SEPSECS: variants seen among roughly 807,000 people sequenced by gnomAD.
SEPSECS encodes Sep (O-phosphoserine) tRNA:Sec (selenocysteine) tRNA synthase, also known as O-phosphoseryl-tRNA(Sec) selenium transferase.
A neutral mutation model predicts 52.1 loss-of-function variants in SEPSECS; 42 were observed. The ratio of observed to expected loss-of-function variants is 0.81; its 90% CI spans 0.63 to 1.04. SEPSECS has a LOEUF of 1.04. SEPSECS is among the 50% of genes least tolerant of loss of function. The pLI is 0.00. For missense variants in SEPSECS, 590 were observed against 610.6 expected (o/e 0.97, Z 0.36); for synonymous variants, 216 against 211.4 (o/e 1.02, Z -0.19).
intron 8 of SEPSECS, among the ~76,000 whole-genome samples, chr4:25,142,720 C>T (rs1421956074): frequency 1.3e-5 from 2 of 152,140 alleles, no homozygotes; most frequent in Non-Finnish European, 2.9e-5. Context: ...TAACATGAAA[C>T]TGAAGAGACC....
chr4:25,155,371 A>G (rs1467860353), intron 4 of SEPSECS: 2 of 584,742 alleles, frequency 3.4e-6, no homozygotes, highest in East Asian at 2.9e-5. Context: ...CCATAAGTCT[A>G]TTTAACACTT....
intron 8 of SEPSECS, among the ~76,000 whole-genome samples, chr4:25,140,991 C>T (rs1209440567): frequency 6.6e-6 from 1 of 151,694 alleles, no homozygotes; most frequent in Non-Finnish European, 1.5e-5. Flanking sequence ...CTAAACAATA[C>T]AGTATAACAA....
At chr4:25,138,722 C>T (rs189522371) in intron 8 of SEPSECS, among the ~76,000 whole-genome samples, 2 of 152,078 alleles carry the variant, frequency 1.3e-5, no homozygotes, top group African/African-American at 4.8e-5. Context: ...TTGTATGTTT[C>T]CTCTCCAAGT....
chr4:25,127,207 G>C, intron 9 of SEPSECS, 57 bp downstream of exon 9: 1 of 1,046,998 alleles, frequency 9.6e-7, no homozygotes, highest in South Asian at 1.3e-5. Context: ...AGAAGTATCA[G>C]CTTCCTCCTA....
intron 8 of SEPSECS, among the ~76,000 whole-genome samples, chr4:25,131,580 G>A (rs1405350690): frequency 6.6e-6 from 1 of 152,218 alleles, no homozygotes; most frequent in Non-Finnish European, 1.5e-5. Flanking sequence ...CTGCATTCAA[G>A]TTGTTAAGGC....
At chr4:25,157,082 T>C in intron 2 of SEPSECS, 108 bp from the exon 3 acceptor site, 1 of 753,560 alleles carries the variant, frequency 1.3e-6, no homozygotes, top group South Asian at 1.4e-5. Flanking sequence ...GAGCAATATT[T>C]GGCTGTTACA....
At chr4:25,145,951 T>C (rs1711937656) in intron 6 of SEPSECS, among the ~76,000 whole-genome samples, 1 of 152,224 alleles carries the variant, frequency 6.6e-6, no homozygotes, top group South Asian at 2.1e-4. Flanking sequence ...TCCCTAATAT[T>C]ATAAACTTAG....
intron 6 of SEPSECS, among the ~76,000 whole-genome samples, chr4:25,150,202 T>C (rs904739044): frequency 6.6e-6 from 1 of 152,250 alleles, no homozygotes; most frequent in Non-Finnish European, 1.5e-5. Flanking sequence ...ATTTACCATA[T>C]TGGAGCAAGA....
Position 25,132,160 on chromosome 4 carries a change from T to C in SEPSECS, c.1027-4803A>G, listed in dbSNP as rs187086915. Among the ~76,000 whole-genome samples the C allele has an allele frequency of 9.6e-4, 146 of 152,336 alleles. 2 individuals are homozygous for C. Among genetic ancestry groups the C allele is most frequent in the East Asian group, 4.4e-3 (23 of 5,192 alleles). On this transcript the variant is annotated intron_variant, in intron 8 of 10. Coordinates refer to ENST00000382103, the MANE Select transcript of SEPSECS (RefSeq NM_016955.4). ...TAAGAAGGAATGGCTTCAAGCTGAGTTCTTGTCTGCCACTACTGTGAAAAA... is the reference window on the plus strand; with the variant it reads ...TAAGAAGGAATGGCTTCAAGCTGAGCTCTTGTCTGCCACTACTGTGAAAAA...
intron 4 of SEPSECS, among the ~76,000 whole-genome samples, chr4:25,155,403 T>C (rs1475580936): frequency 6.6e-6 from 1 of 152,194 alleles, no homozygotes; most frequent in Non-Finnish European, 1.5e-5. Context: ...GAATGAATTC[T>C]GGAAAGTAAG....
chr4:25,127,431 T>G (rs1232580719), intron 8 of SEPSECS, 74 bp from the exon 9 acceptor site: 1 of 1,067,208 alleles, frequency 9.4e-7, no homozygotes, highest in Non-Finnish European at 1.4e-6. Flanking sequence ...AAAATCTGAT[T>G]GGTATGAAGT....
chr4:25,137,067 A>C (rs920727511), intron 8 of SEPSECS, among the ~76,000 whole-genome samples: 2 of 152,202 alleles, frequency 1.3e-5, no homozygotes, highest in Non-Finnish European at 2.9e-5. Flanking sequence ...AATTAACTCA[A>C]GATGGATTAA....
At chr4:25,157,450 AG>A (rs1430922257) in intron 2 of SEPSECS, among the ~76,000 whole-genome samples, 4 of 152,152 alleles carry the variant, frequency 2.6e-5, no homozygotes, top group Non-Finnish European at 4.4e-5. Flanking sequence ...AAGCTATGAG[AG>A]GTAACAATAA....
chr4:25,125,479 G>T, intron 10 of SEPSECS: 1 of 560,718 alleles, frequency 1.8e-6, no homozygotes, highest in Non-Finnish European at 3.2e-6. Context: ...AAACAAACAA[G>T]ATTCATGTCT....
Position 25,144,763 on chromosome 4 carries a change from G to A in SEPSECS, c.1026+11C>T, listed in dbSNP as rs1004534220. 5 of 1,577,802 alleles carry A rather than the reference G, an allele frequency of 3.2e-6. No homozygotes were observed. The highest frequency in any genetic ancestry group is 4.4e-6 in the Non-Finnish European group (5 of 1,147,846). The stretch of plus-strand genomic sequence containing the variant: ...CAAGAATGTTATTCGACACCTAAAG[G>A]GAAAGCTTACCTTTCTTTCTTTTAG... On this transcript the variant is annotated intron_variant, in intron 8 of 10. Transcript: ENST00000382103.
intron 8 of SEPSECS, among the ~76,000 whole-genome samples, chr4:25,143,711 T>G (rs1413623990): frequency 6.6e-6 from 1 of 152,196 alleles, no homozygotes; most frequent in Non-Finnish European, 1.5e-5. Context: ...GCACAAGATT[T>G]TTAAACTTGT....
Position 25,151,965 on chromosome 4 carries a change from G to A in SEPSECS, c.799C>T (p.Gln267Ter). 6.6e-7 allele frequency: 1 copy of A among 1,519,934 alleles called. No individual in the cohort carries two copies. The highest frequency in any genetic ancestry group is 9.1e-7 in the Non-Finnish European group (1 of 1,094,460). The allele number at this position is 1,519,934 out of a possible 1,614,324, so 94.2% of individuals were successfully genotyped here. The change falls in exon 6 of 11, where the codon CAG becomes TAG. Residue 267 changes from glutamine (Q) to a stop codon, truncating the protein, a stop_gained. Transcript: ENST00000382103. LOFTEE classifies it high-confidence loss of function. ...VQSSKCMHLI[Q>*]QGARVGRIDA... The stretch of plus-strand genomic sequence containing the variant: ...ATCATTTTAAACTCTCTTACCTGCT[G>A]AATGAGATGCATACACTTTGAAGAC...
chr4:25,143,797 T>C (rs547320523), intron 8 of SEPSECS, among the ~76,000 whole-genome samples: 90 of 152,312 alleles, frequency 5.9e-4, no homozygotes, highest in Admixed American at 2.1e-3. Context: ...TATAAAGTAC[T>C]ATTATAAATA....
chr4:25,144,352 A>C (rs567964971), intron 8 of SEPSECS, among the ~76,000 whole-genome samples: 1 of 148,360 alleles, frequency 6.7e-6, no homozygotes, highest in South Asian at 2.1e-4. Flanking sequence ...AAAAAGATAG[A>C]GCTAACTTCT....
Sources: allele counts gnomAD v4.1 joint callset (sites outside exome capture counted in the v4.1 genomes callset), GRCh38; gene constraint gnomAD v4.1.1; transcripts MANE v1.5; gene names NCBI Gene and HGNC (gene_info 2026-07-23, HGNC 2026-07-21).